ABTB3: variants seen among roughly 807,000 people sequenced by gnomAD.
ABTB3 encodes ankyrin repeat and BTB domain containing 3.
At chr12:107,585,731 A>G in the ABTB3 span, among the ~76,000 whole-genome samples, 3 of 152,252 alleles carry the variant, frequency 2.0e-5, no homozygotes, top group African/African-American at 7.2e-5. Context: ...GGGCCTCAAC[A>G]GCACTTTTCC....
the ABTB3 span, among the ~76,000 whole-genome samples, chr12:107,356,408 G>A: frequency 6.6e-6 from 1 of 152,206 alleles, no homozygotes; most frequent in Admixed American, 6.5e-5. Flanking sequence ...ACGATGAGGA[G>A]GCTGGCTGGG....
At chr12:107,527,307 T>A in the ABTB3 span, among the ~76,000 whole-genome samples, 1 of 152,088 alleles carries the variant, frequency 6.6e-6, no homozygotes, top group Admixed American at 6.6e-5. Flanking sequence ...GTCTCACTGT[T>A]GTCTCCCAGG....
chr12:107,640,308 C>A, the ABTB3 span: 1 of 1,529,156 alleles, frequency 6.5e-7, no homozygotes, highest in Middle Eastern at 1.7e-4. Context: ...TTTCCTATTC[C>A]AGATCCTCAT....
At chr12:107,457,602 T>G in the ABTB3 span, among the ~76,000 whole-genome samples, 2 of 152,156 alleles carry the variant, frequency 1.3e-5, no homozygotes, top group African/African-American at 4.8e-5. Context: ...TGCTGCGAGC[T>G]CAGAGCTGTC....
the ABTB3 span, chr12:107,650,771 C>T: frequency 2.0e-5 from 3 of 152,210 alleles, no homozygotes; most frequent in Admixed American, 2.0e-4. Flanking sequence ...CTCAGCCTCC[C>T]AAAGTGTTGG....
chr12:107,332,523 C>G, the ABTB3 span, among the ~76,000 whole-genome samples: 1 of 152,022 alleles, frequency 6.6e-6, no homozygotes, highest in East Asian at 1.9e-4. Context: ...AACCACCGTG[C>G]CTTGAGGAGG....
chr12:107,539,920 T>A, the ABTB3 span, among the ~76,000 whole-genome samples: 2 of 152,202 alleles, frequency 1.3e-5, no homozygotes, highest in Non-Finnish European at 2.9e-5. Flanking sequence ...TGCCCTTATG[T>A]CTTCCCTGTG....
chr12:107,408,410 A>G, the ABTB3 span, among the ~76,000 whole-genome samples: 1 of 152,148 alleles, frequency 6.6e-6, no homozygotes, highest in Non-Finnish European at 1.5e-5. Context: ...TGGTTTAAAC[A>G]CCCAGTATGA....
At chr12:107,612,541 C>T in the ABTB3 span, among the ~76,000 whole-genome samples, 1 of 152,202 alleles carries the variant, frequency 6.6e-6, no homozygotes, top group Non-Finnish European at 1.5e-5. Flanking sequence ...CGAAAATCCT[C>T]CAAGGCAAGG....
At chr12:107,375,422 A>AATCATCATC in the ABTB3 span, among the ~76,000 whole-genome samples, 27 of 148,390 alleles carry the variant, frequency 1.8e-4, 1 homozygote, top group African/African-American at 5.3e-4. Context: ...TGGTGTCAGA[A>AATCATCATC]ATCATCATCA....
the ABTB3 span, among the ~76,000 whole-genome samples, chr12:107,587,394 T>C: frequency 6.6e-6 from 1 of 151,466 alleles, no homozygotes; most frequent in African/African-American, 2.4e-5. Context: ...GCAGGAGCAG[T>C]GAGGATGGAG....
At chr12:107,510,868 G>A in the ABTB3 span, among the ~76,000 whole-genome samples, 1 of 152,138 alleles carries the variant, frequency 6.6e-6, no homozygotes, top group African/African-American at 2.4e-5. Flanking sequence ...GTTGCAGTGA[G>A]CCGACGTCAG....
the ABTB3 span, among the ~76,000 whole-genome samples, chr12:107,444,895 G>T: frequency 1.3e-5 from 2 of 152,160 alleles, no homozygotes; most frequent in Non-Finnish European, 2.9e-5. Context: ...AGGCTGGGAG[G>T]GTAGGGGGAC....
At chr12:107,394,783 T>C in the ABTB3 span, among the ~76,000 whole-genome samples, 1 of 152,186 alleles carries the variant, frequency 6.6e-6, no homozygotes. Flanking sequence ...ATAGCTGTTT[T>C]CCTCCTCCTC....
the ABTB3 span, among the ~76,000 whole-genome samples, chr12:107,559,286 C>G: frequency 6.6e-6 from 1 of 152,202 alleles, no homozygotes; most frequent in African/African-American, 2.4e-5. Flanking sequence ...CCAAGGGAAG[C>G]CACATTGGCC....
the ABTB3 span, among the ~76,000 whole-genome samples, chr12:107,399,474 A>G: frequency 6.6e-6 from 1 of 152,064 alleles, no homozygotes; most frequent in Non-Finnish European, 1.5e-5. Context: ...CTGGGAGTGG[A>G]GAACACTTGG....
the ABTB3 span, among the ~76,000 whole-genome samples, chr12:107,537,103 A>T: frequency 3.3e-5 from 5 of 152,194 alleles, no homozygotes; most frequent in Admixed American, 3.3e-4. Context: ...AGAACAATAT[A>T]TTAAATAAAA....
chr12:107,378,022 G>A, the ABTB3 span, among the ~76,000 whole-genome samples: 1 of 152,158 alleles, frequency 6.6e-6, no homozygotes, highest in East Asian at 1.9e-4. Flanking sequence ...GAAAAAGTGG[G>A]GAACATAATC....
At chr12:107,656,276 G>A in the ABTB3 span, among the ~76,000 whole-genome samples, 1 of 149,790 alleles carries the variant, frequency 6.7e-6, no homozygotes, top group South Asian at 2.1e-4. Flanking sequence ...ACTCCAGCCT[G>A]AGCCACAGAG....
Sources: gnomAD v4.1 joint callset for allele counts (sites outside exome capture counted in the v4.1 genomes callset) on GRCh38, gnomAD v4.1.1 for gene constraint, MANE v1.5 for transcripts, NCBI Gene and HGNC (gene_info 2026-07-23, HGNC 2026-07-21) for gene names.